RAB6A: variants seen among roughly 807,000 people sequenced by gnomAD.
RAB6A encodes the protein ras-related protein Rab-6A.
In RAB6A, 8 loss-of-function variants were observed where a neutral mutation model predicts 32.3. That is an observed-to-expected ratio of 0.25 (90% CI 0.15 to 0.45). RAB6A has a LOEUF of 0.45. Among genes scored for constraint, RAB6A ranks in the 20% least tolerant of loss-of-function variants. The pLI is 1.00. For synonymous variants in RAB6A, 73 were observed against 82.1 expected, an observed-to-expected ratio of 0.89 and a Z score of 0.60; for missense variants, 104 against 249.4, an observed-to-expected ratio of 0.42 and a Z score of 3.93.
rs56012322 is a variant in RAB6A, at chr11:73,735,937, A to AAAAG, written c.71-5115_71-5114insCTTT. Among the ~76,000 whole-genome samples the AAAAG allele has an allele frequency of 2.2e-3, 269 of 123,562 alleles. 11 individuals are homozygous for AAAAG. In the East Asian group the frequency reaches 0.033, roughly 15 times the overall value. 81.1% of individuals were successfully genotyped at this position (123,562 alleles called of 152,430 possible). ...CCTTGCCTTAAAAAAAAAAAAAAAA[A>AAAAG]AGAGAGAGAGAGACAGAGAGAGATA... On this transcript the variant is annotated intron_variant, in intron 1 of 7. Transcript: ENST00000336083.
chr11:73,687,278 A>C (rs367903513), intron 6 of RAB6A, among the ~76,000 whole-genome samples: 2 of 152,250 alleles, frequency 1.3e-5, no homozygotes, highest in East Asian at 3.9e-4. Flanking sequence ...ATTTTACAAG[A>C]ATGAAAAGGG....
At position 73,709,458 on chromosome 11, in the gene RAB6A, TTATTAC is replaced by T. The variant is rs1350920064; in HGVS notation, c.402-1951_402-1946del. 5.0e-3 allele frequency among the ~76,000 whole-genome samples: 670 copies of T among 134,488 alleles called. 6 individuals carry two copies. The highest frequency in any genetic ancestry group is 0.014 in the African/African-American group (536 of 37,822). 88.2% of individuals were successfully genotyped at this position (134,488 alleles called of 152,430 possible). The stretch of plus-strand genomic sequence containing the variant: ...AAGTATATTATTATTATTATTATTA[TTATTAC>T]TATTATTATTATGACTCGTGGATTT... On this transcript the variant is annotated intron_variant, in intron 5 of 7. Coordinates refer to ENST00000336083, the MANE Select transcript of RAB6A (RefSeq NM_198896.2).
At chr11:73,702,697 GA>G (rs1172501713) in intron 6 of RAB6A, among the ~76,000 whole-genome samples, 2 of 152,054 alleles carry the variant, frequency 1.3e-5, no homozygotes, top group African/African-American at 4.8e-5. Flanking sequence ...AGATTATCTA[GA>G]AATGTCCCTA....
intron 6 of RAB6A, among the ~76,000 whole-genome samples, chr11:73,680,484 T>C (rs1945338172): frequency 6.6e-6 from 1 of 152,160 alleles, no homozygotes; most frequent in Non-Finnish European, 1.5e-5. Context: ...AAACCCTGTC[T>C]CTACAGAAAA....
intron 5 of RAB6A, among the ~76,000 whole-genome samples, chr11:73,708,445 A>T (rs1372774228): frequency 6.6e-6 from 1 of 152,210 alleles, no homozygotes; most frequent in African/African-American, 2.4e-5. Flanking sequence ...CTGGGATTAG[A>T]GGCGTGAGCC....
At chr11:73,704,282 C>T in intron 6 of RAB6A, 1 of 327,600 alleles carries the variant, frequency 3.1e-6, no homozygotes, top group Non-Finnish European at 6.3e-6. Flanking sequence ...ATTCTGGAGG[C>T]TGAGGTGGGA....
intron 6 of RAB6A, among the ~76,000 whole-genome samples, chr11:73,693,949 T>C (rs942811510): frequency 1.3e-5 from 2 of 152,184 alleles, no homozygotes; most frequent in Admixed American, 1.3e-4. Flanking sequence ...TGAAAGTTAT[T>C]AGAAATACCT....
intron 6 of RAB6A, among the ~76,000 whole-genome samples, chr11:73,704,542 G>A (rs968145734): frequency 2.0e-5 from 3 of 151,176 alleles, no homozygotes; most frequent in Non-Finnish European, 4.4e-5. Context: ...AAAATTAGCT[G>A]GGCATGGTGG....
intron 1 of RAB6A, among the ~76,000 whole-genome samples, chr11:73,754,792 T>G (rs1946720776): frequency 6.6e-6 from 1 of 151,978 alleles, no homozygotes; most frequent in African/African-American, 2.4e-5. Flanking sequence ...TGGCGGCATG[T>G]ACCTGTGGTC....
intron 6 of RAB6A, among the ~76,000 whole-genome samples, chr11:73,694,719 T>A (rs1565350049): frequency 6.6e-6 from 1 of 151,876 alleles, no homozygotes; most frequent in Non-Finnish European, 1.5e-5. Context: ...AAAATTAATT[T>A]AAAAATATAC....
rs1386160921 is a variant in RAB6A at position 73,757,308 on chromosome 11, T to C, written c.70+3258A>G. On this transcript the variant is annotated intron_variant, in intron 1 of 7. Transcript: ENST00000336083. ...ACAGGCTCCCACCCGCCATCATACC[T>C]GGATAATTTTTGTATTTTTGTAGAG... 2.0e-5 allele frequency among the ~76,000 whole-genome samples: 3 copies of C among 149,954 alleles called. No homozygotes were observed. The East Asian group carries it at 6.0e-4, about 30-fold the overall frequency.
At chr11:73,731,713 T>TACACACACACACACAC (rs1946310889) in intron 1 of RAB6A, among the ~76,000 whole-genome samples, 1 of 18,380 alleles carries the variant, frequency 5.4e-5, no homozygotes, top group Non-Finnish European at 1.3e-4. Context: ...TATATATATA[T>TACACACACACACACAC]ATATATATAT....
At chr11:73,728,612 A>ATAATAATAATAG (rs1481779223) in intron 2 of RAB6A, among the ~76,000 whole-genome samples, 12 of 144,520 alleles carry the variant, frequency 8.3e-5, no homozygotes, top group African/African-American at 3.1e-4. Flanking sequence ...CTTTGTTTAA[A>ATAATAATAATAG]TAATAATAAT....
intron 6 of RAB6A, among the ~76,000 whole-genome samples, chr11:73,687,153 TTA>T (rs1409139637): frequency 1.3e-5 from 2 of 152,148 alleles, no homozygotes; most frequent in Non-Finnish European, 2.9e-5. Flanking sequence ...ATGAGTTCAC[TTA>T]TATGAGATAC....
chr11:73,685,497 C>T (rs1422732206), intron 6 of RAB6A, among the ~76,000 whole-genome samples: 1 of 150,934 alleles, frequency 6.6e-6, no homozygotes, highest in Admixed American at 6.6e-5. Flanking sequence ...CTGTGATAGC[C>T]AGGATGGTCT....
intron 1 of RAB6A, among the ~76,000 whole-genome samples, chr11:73,758,646 TTA>T (rs1946796673): frequency 6.7e-6 from 1 of 149,436 alleles, no homozygotes; most frequent in Non-Finnish European, 1.5e-5. Context: ...CTGAAGATAC[TTA>T]GGAAGTTAAG....
rs1238666420 is a variant in RAB6A at position 73,722,305 on chromosome 11, G to GTGTGTATGTATATATATA, written c.130-1407_130-1406insTATATATATACATACACA. 1.1e-3 allele frequency: 48 copies of GTGTGTATGTATATATATA among 42,340 alleles called. 1 individual carries two copies. The highest frequency in any genetic ancestry group is 4.7e-3 in the African/African-American group (47 of 10,106). 2.6% of individuals were successfully genotyped at this position (42,340 alleles called of 1,614,324 possible). A position where few individuals can be genotyped will look rare whatever the true frequency, so the allele number is the denominator to read the frequency against. On this transcript the variant is annotated intron_variant, in intron 2 of 7. Transcript: ENST00000336083. The stretch of plus-strand genomic sequence containing the variant: ...AAAATTCAAATATATATGTGTGTGT[G>GTGTGTATGTATATATATA]TATATATATATATATATATATATAT...
chr11:73,743,699 C>A (rs1006648077), intron 1 of RAB6A, among the ~76,000 whole-genome samples: 2 of 152,124 alleles, frequency 1.3e-5, no homozygotes, highest in African/African-American at 4.8e-5. Flanking sequence ...CAAACATAAA[C>A]CTCATCTGCC....
intron 1 of RAB6A, among the ~76,000 whole-genome samples, chr11:73,750,638 T>C (rs1946658203): frequency 6.6e-6 from 1 of 152,318 alleles, no homozygotes. Context: ...ATTACAGGCA[T>C]GAGCCCCCAT....
Sources: allele counts gnomAD v4.1 joint callset (sites outside exome capture counted in the v4.1 genomes callset), GRCh38; gene constraint gnomAD v4.1.1; transcripts MANE v1.5; gene names NCBI Gene and HGNC (gene_info 2026-07-23, HGNC 2026-07-21).